DCDC2C: variants seen among roughly 807,000 people sequenced by gnomAD.
The protein encoded by DCDC2C is doublecortin domain-containing protein 2C.
DCDC2C carries 44 observed loss-of-function variants against 45.0 expected under a neutral mutation model. That is an observed-to-expected ratio of 0.98 (90% confidence interval 0.77 to 1.26). DCDC2C has a LOEUF of 1.26. Ranked by LOEUF, DCDC2C falls within the 50% of genes most tolerant of loss-of-function variation. The pLI is 0.00. For missense variants in DCDC2C, 447 were observed against 468.9 expected, an observed-to-expected ratio of 0.95 and a Z score of 0.43; for synonymous variants, 187 against 178.8, an observed-to-expected ratio of 1.05 and a Z score of -0.37.
chr2:3,807,325 C>T (rs1307670960), intron 10 of DCDC2C, among the ~76,000 whole-genome samples: 1 of 152,138 alleles, frequency 6.6e-6, no homozygotes, highest in African/African-American at 2.4e-5. Context: ...TTGGCAGCTG[C>T]AGCAGGGGTG....
intron 10 of DCDC2C, among the ~76,000 whole-genome samples, chr2:3,799,476 G>GT (rs1296597281): frequency 2.7e-5 from 4 of 148,906 alleles, no homozygotes; most frequent in South Asian, 2.1e-4. Context: ...TTTCTGCTCT[G>GT]TTTTTTCCCC....
intron 10 of DCDC2C, among the ~76,000 whole-genome samples, chr2:3,797,120 T>G (rs1187281843): frequency 6.6e-6 from 1 of 152,150 alleles, no homozygotes; most frequent in Non-Finnish European, 1.5e-5. Context: ...GTCGAGGAAT[T>G]TATCCATTTC....
intron 9 of DCDC2C, among the ~76,000 whole-genome samples, chr2:3,781,007 A>G (rs1268395546): frequency 2.0e-5 from 3 of 152,236 alleles, no homozygotes; most frequent in Non-Finnish European, 2.9e-5. Flanking sequence ...CAAGGGGTGC[A>G]GGGTGGCTCA....
chr2:3,825,966 T>C (rs1021340229), intron 10 of DCDC2C, among the ~76,000 whole-genome samples: 1 of 152,198 alleles, frequency 6.6e-6, no homozygotes, highest in African/African-American at 2.4e-5. Context: ...GAGAAAAGAG[T>C]TTCAGCTGCT....
intron 2 of DCDC2C, among the ~76,000 whole-genome samples, chr2:3,721,000 AT>A (rs1558562372): frequency 2.0e-5 from 3 of 152,006 alleles, no homozygotes; most frequent in African/African-American, 7.3e-5. Flanking sequence ...TTGTCTTTTG[AT>A]TCGTTCATTT....
intron 4 of DCDC2C, among the ~76,000 whole-genome samples, chr2:3,745,413 CTAATT>C (rs1363263036): frequency 6.6e-6 from 1 of 152,192 alleles, no homozygotes; most frequent in Admixed American, 6.5e-5. Context: ...GATCAATAAA[CTAATT>C]TATTTTTTTC....
chr2:3,821,796 A>G (rs1398538727), intron 10 of DCDC2C, among the ~76,000 whole-genome samples: 2 of 152,254 alleles, frequency 1.3e-5, no homozygotes, highest in Admixed American at 1.3e-4. Flanking sequence ...GAAGAAAGGT[A>G]TTTAGAAATC....
At chr2:3,735,010 T>C (rs1668982190) in intron 3 of DCDC2C, among the ~76,000 whole-genome samples, 1 of 152,144 alleles carries the variant, frequency 6.6e-6, no homozygotes, top group African/African-American at 2.4e-5. Flanking sequence ...GACCCCCACT[T>C]TCTCGCTCCC....
At chr2:3,835,703 C>G (rs1454233) in intron 10 of DCDC2C, among the ~76,000 whole-genome samples, 68,096 of 151,948 alleles carry the variant, frequency 0.45, 15,839 homozygotes, top group South Asian at 0.52. Flanking sequence ...TGATTTGAGG[C>G]CTTGAGTCTC....
chr2:3,741,001 AC>A (rs1394644206), intron 3 of DCDC2C, among the ~76,000 whole-genome samples: 1 of 152,220 alleles, frequency 6.6e-6, no homozygotes, highest in Admixed American at 6.5e-5. Flanking sequence ...GACTCGATAC[AC>A]CTTGTATTTT....
At chr2:3,835,934 G>A (rs1672064376) in intron 10 of DCDC2C, among the ~76,000 whole-genome samples, 1 of 152,070 alleles carries the variant, frequency 6.6e-6, no homozygotes, top group Non-Finnish European at 1.5e-5. Context: ...TGTAGAGACA[G>A]GGTCTTGCTA....
Position 3,703,620 on chromosome 2 carries a change from TC to T in DCDC2C, c.-128del, listed in dbSNP as rs1667933139. The T allele has an allele frequency of 1.1e-6, 1 of 895,874 alleles. No individual in the cohort carries two copies. Among genetic ancestry groups the T allele is most frequent in the Admixed American group, 4.5e-5 (1 of 22,064 alleles). The allele number at this position is 895,874 out of a possible 1,614,324, so 55.5% of individuals were successfully genotyped here. On this transcript the variant is annotated 5_prime_UTR_variant, in exon 1 of 11. Coordinates refer to ENST00000399143, the MANE Select transcript of DCDC2C (RefSeq NM_001287444.2). This position sits in a 1 kb window ranked among gnomAD's most constrained non-coding sequence, Gnocchi z 4.4. ...CAGCCCCCGTCCCGTCCCCGTCCCG[TC>T]CCCGTCCTGCGCCAGCGGCTGGAGC...
chr2:3,801,818 C>T (rs556258237), intron 10 of DCDC2C, among the ~76,000 whole-genome samples: 19 of 152,372 alleles, frequency 1.2e-4, no homozygotes, highest in South Asian at 1.2e-3. Context: ...TTTCTGATCA[C>T]GGTTCTCCAG....
intron 4 of DCDC2C, among the ~76,000 whole-genome samples, chr2:3,748,539 C>T (rs551469611): frequency 3.0e-4 from 45 of 152,104 alleles, no homozygotes; most frequent in African/African-American, 8.4e-4. Context: ...AATTTTTGGA[C>T]GCGTCCAGTT....
chr2:3,754,708 C>A, intron 6 of DCDC2C, 74 bp downstream of exon 6: 4 of 1,323,856 alleles, frequency 3.0e-6, no homozygotes, highest in Non-Finnish European at 3.1e-6. Flanking sequence ...AAGGGCACAG[C>A]GCAGGGTGAC....
chr2:3,780,915 T>C (rs17018013), intron 9 of DCDC2C, among the ~76,000 whole-genome samples: 29,571 of 152,150 alleles, frequency 0.19, 3,607 homozygotes, highest in African/African-American at 0.34. Context: ...TATATAACTT[T>C]CCGGAAGAGG....
At chr2:3,838,450 G>A (rs1672132823) in intron 10 of DCDC2C, among the ~76,000 whole-genome samples, 1 of 89,290 alleles carries the variant, frequency 1.1e-5, no homozygotes, top group Non-Finnish European at 2.4e-5. Context: ...CAAGGATCAT[G>A]ACAGAGAGAG....
intron 2 of DCDC2C, among the ~76,000 whole-genome samples, chr2:3,721,019 G>C (rs113512097): frequency 0.08 from 12,147 of 152,114 alleles, 1,660 homozygotes; most frequent in African/African-American, 0.27. Context: ...TTTCGTTTAA[G>C]TTGTTGAATC....
At chr2:3,740,158 G>T (rs576542116) in intron 3 of DCDC2C, among the ~76,000 whole-genome samples, 24 of 152,320 alleles carry the variant, frequency 1.6e-4, no homozygotes, top group Admixed American at 1.4e-3. Flanking sequence ...TATAAATTCT[G>T]CATACACAAT....
Sources: gnomAD v4.1 joint callset for allele counts (sites outside exome capture counted in the v4.1 genomes callset) on GRCh38, gnomAD v4.1.1 for gene constraint, Gnocchi (gnomAD v3.1) non-coding constraint, MANE v1.5 for transcripts, NCBI Gene and HGNC (gene_info 2026-07-23, HGNC 2026-07-21) for gene names.